The following CEP70 variants were observed in gnomAD, a reference collection of about 807,000 sequenced individuals.
CEP70 encodes the protein centrosomal protein 70.
A neutral mutation model predicts 90.9 loss-of-function variants in CEP70; 70 were observed. The observed-to-expected ratio is 0.77, with a 90% CI of 0.64 to 0.94. The LOEUF (loss-of-function observed/expected upper bound fraction) is 0.94. Ranked by LOEUF, CEP70 falls within the 40% of genes least tolerant of loss-of-function variation. CEP70 has a pLI of 0.00. For missense variants in CEP70, 648 were observed against 669.0 expected (o/e 0.97, Z 0.35); for synonymous variants, 220 against 228.3 (o/e 0.96, Z 0.33).
At chr3:138,584,322 G>A (rs1313958372) in intron 2 of CEP70, among the ~76,000 whole-genome samples, 1 of 151,962 alleles carries the variant, frequency 6.6e-6, no homozygotes, top group Non-Finnish European at 1.5e-5. Context: ...TGGCTTCACT[G>A]CTGAATTCTA....
chr3:138,542,573 A>G (rs2038858988), intron 6 of CEP70, among the ~76,000 whole-genome samples: 1 of 152,120 alleles, frequency 6.6e-6, no homozygotes, highest in Non-Finnish European at 1.5e-5. Context: ...GCTGCTTCCC[A>G]TTGCATGGCG....
intron 6 of CEP70, among the ~76,000 whole-genome samples, chr3:138,540,901 A>G (rs376907943): frequency 8.5e-5 from 13 of 152,352 alleles, no homozygotes; most frequent in African/African-American, 3.1e-4. Flanking sequence ...ACCATAGAAT[A>G]CTACATAGCC....
intron 11 of CEP70, among the ~76,000 whole-genome samples, chr3:138,524,227 A>G (rs1160952434): frequency 6.6e-6 from 1 of 151,824 alleles, no homozygotes; most frequent in African/African-American, 2.4e-5. Context: ...AATTAATTCA[A>G]GATGGATTAA....
chr3:138,523,301 T>C (rs2036867763), intron 11 of CEP70, among the ~76,000 whole-genome samples: 1 of 152,198 alleles, frequency 6.6e-6, no homozygotes, highest in Non-Finnish European at 1.5e-5. Context: ...AGCATTCCCT[T>C]TGAAACCTGG....
chr3:138,555,242 C>T (rs1258131069), intron 6 of CEP70, among the ~76,000 whole-genome samples: 1 of 111,924 alleles, frequency 8.9e-6, no homozygotes, highest in Non-Finnish European at 1.8e-5. Context: ...GATTGAGACT[C>T]CATCTCAAAA....
chr3:138,549,692 TCC>T (rs1334452719), intron 6 of CEP70, among the ~76,000 whole-genome samples: 1 of 152,054 alleles, frequency 6.6e-6, no homozygotes, highest in Non-Finnish European at 1.5e-5. Context: ...TACTGCCTGA[TCC>T]CCGTTATACT....
At chr3:138,520,071 C>G (rs903168759) in intron 11 of CEP70, among the ~76,000 whole-genome samples, 4 of 152,094 alleles carry the variant, frequency 2.6e-5, no homozygotes, top group African/African-American at 9.6e-5. Context: ...CAACAAAGAT[C>G]AAAAGAGACA....
At chr3:138,499,806 A>ACACACAC in intron 16 of CEP70, 5 of 268,606 alleles carry the variant, frequency 1.9e-5, no homozygotes, top group Admixed American at 4.5e-5. Flanking sequence ...ACACACACAC[A>ACACACAC]AATTAGCTGG....
chr3:138,504,774 T>C (rs2034827502), intron 13 of CEP70, among the ~76,000 whole-genome samples: 2 of 152,312 alleles, frequency 1.3e-5, no homozygotes, highest in East Asian at 1.9e-4. Context: ...AAGGGTAGCG[T>C]TGGCTGCTAG....
chr3:138,587,786 A>C (rs1188940848), intron 2 of CEP70, among the ~76,000 whole-genome samples: 1 of 152,152 alleles, frequency 6.6e-6, no homozygotes, highest in African/African-American at 2.4e-5. Context: ...TAAATTAATA[A>C]ATGAATGAAT....
intron 6 of CEP70, among the ~76,000 whole-genome samples, chr3:138,538,812 CT>C (rs2038506958): frequency 6.6e-6 from 1 of 152,062 alleles, no homozygotes; most frequent in Non-Finnish European, 1.5e-5. Flanking sequence ...TGTTACACAT[CT>C]ACTAAAGTTT....
intron 6 of CEP70, among the ~76,000 whole-genome samples, chr3:138,559,936 G>A (rs901499350): frequency 1.3e-5 from 2 of 152,120 alleles, no homozygotes; most frequent in South Asian, 2.1e-4. Flanking sequence ...TCAAAATTAA[G>A]GTGACAAATA....
chr3:138,496,162 TC>T, intron 17 of CEP70: 1 of 985,462 alleles, frequency 1.0e-6, no homozygotes, highest in Non-Finnish European at 1.2e-6. Flanking sequence ...CACACTTTTT[TC>T]TAGCTTATTC....
chr3:138,497,330 TTA>T, intron 17 of CEP70: 6 of 1,240,904 alleles, frequency 4.8e-6, no homozygotes, highest in South Asian at 4.2e-5. Context: ...GAGCCATTCT[TTA>T]AAAAAAAAAA....
At chr3:138,503,967 C>T in intron 13 of CEP70, among the ~76,000 whole-genome samples, 1 of 152,174 alleles carries the variant, frequency 6.6e-6, no homozygotes. Flanking sequence ...CCCATAATGG[C>T]TTAGCATGAT....
chr3:138,576,441 G>C (rs1040824366), intron 2 of CEP70, among the ~76,000 whole-genome samples: 27 of 152,162 alleles, frequency 1.8e-4, no homozygotes, highest in African/African-American at 5.6e-4. Context: ...GGAGCACCCA[G>C]ATTCATAAAG....
intron 13 of CEP70, 116 bp downstream of exon 13, chr3:138,505,179 C>A: frequency 2.6e-6 from 2 of 772,324 alleles, no homozygotes; most frequent in Non-Finnish European, 3.8e-6. Context: ...TTAGAGTTAA[C>A]ACACAAACAA....
chr3:138,544,385 A>G (rs143571477), intron 6 of CEP70, among the ~76,000 whole-genome samples: 144 of 151,772 alleles, frequency 9.5e-4, no homozygotes, highest in African/African-American at 3.4e-3. Context: ...TGGTGAGGAT[A>G]TAGAGAAAGA....
chr3:138,588,652 A>G (rs2042227375), intron 2 of CEP70, among the ~76,000 whole-genome samples: 1 of 152,208 alleles, frequency 6.6e-6, no homozygotes, highest in African/African-American at 2.4e-5. Context: ...AACTAGTACA[A>G]CCACTTTGTA....
Sources: gnomAD v4.1 joint callset for allele counts (sites outside exome capture counted in the v4.1 genomes callset) on GRCh38, gnomAD v4.1.1 for gene constraint, MANE v1.5 for transcripts, NCBI Gene and HGNC (gene_info 2026-07-23, HGNC 2026-07-21) for gene names.